THSD4: variants seen among roughly 807,000 people sequenced by gnomAD.
The protein encoded by THSD4 is thrombospondin type 1 domain containing 4.
In THSD4, 69 loss-of-function variants were observed where a neutral mutation model predicts 119.0. That is an observed-to-expected ratio of 0.58 (90% CI 0.48 to 0.71). The LOEUF (loss-of-function observed/expected upper bound fraction) is 0.71, where lower values mean the gene tolerates loss of function less well. Ranked by LOEUF, THSD4 falls within the 30% of genes least tolerant of loss-of-function variation. The probability of loss-of-function intolerance (pLI) is 0.00; values close to 1 mark genes in which losing one functional copy is unlikely to be tolerated. For missense variants in THSD4, 1,393 were observed against 1,391.1 expected, an observed-to-expected ratio of 1.00 and a Z score of -0.02; for synonymous variants, 524 against 540.4, an observed-to-expected ratio of 0.97 and a Z score of 0.42.
rs1232243841 is a variant in THSD4 at position 71,749,695 on chromosome 15, ATTTT to A, written c.2415+1103_2415+1106del. 1.7e-4 allele frequency among the ~76,000 whole-genome samples: 6 copies of A among 34,898 alleles called. No homozygotes were observed. The Admixed American group carries it at 2.1e-3, about 12-fold the overall frequency. The allele number at this position is 34,898 out of a possible 152,430, so 22.9% of individuals were successfully genotyped here. A position where few individuals can be genotyped will look rare whatever the true frequency, so the allele number is the denominator to read the frequency against. On this transcript the variant is annotated intron_variant, in intron 14 of 17. Transcript: ENST00000261862. ...TTTTTTAATATTTTTATATTTTTAAATTTTTATTTATTTATTTATTTATTTATTT... is the reference window on the plus strand; with the variant it reads ...TTTTTTAATATTTTTATATTTTTAAATATTTATTTATTTATTTATTTATTT...
chr15:71,357,060 A>G (rs908665899), intron 6 of THSD4, among the ~76,000 whole-genome samples: 1 of 152,186 alleles, frequency 6.6e-6, no homozygotes, highest in African/African-American at 2.4e-5. Context: ...TAGTAGGTAC[A>G]CAGGGCATGG....
chr15:71,188,087 G>C lies in THSD4; in HGVS notation c.100-26948G>C, dbSNP rs530455780. ...TTACAAGGTTGCCCTACTCATGTCT[G>C]TCAAGTGTTCATAAGATAAAAGGGG... On this transcript the variant is annotated intron_variant, in intron 3 of 17. Transcript: ENST00000261862. Among the ~76,000 whole-genome samples the C allele has an allele frequency of 2.6e-5, 4 of 152,310 alleles. No individual in the cohort carries two copies. The South Asian group carries it at 8.3e-4, about 32-fold the overall frequency.
At chr15:71,380,942 G>A (rs2046221027) in intron 6 of THSD4, among the ~76,000 whole-genome samples, 2 of 152,108 alleles carry the variant, frequency 1.3e-5, no homozygotes, top group Admixed American at 6.6e-5. Flanking sequence ...GTCCCATTGA[G>A]GGTGGCAATT....
chr15:71,743,131 C>T (rs1330461118), intron 11 of THSD4, among the ~76,000 whole-genome samples: 1 of 152,136 alleles, frequency 6.6e-6, no homozygotes, highest in African/African-American at 2.4e-5. Context: ...AGTTCATTTC[C>T]GTGGAGCTGG....
chr15:71,668,896 C>G (rs1273952273), intron 8 of THSD4, among the ~76,000 whole-genome samples: 1 of 152,156 alleles, frequency 6.6e-6, no homozygotes, highest in Non-Finnish European at 1.5e-5. Context: ...AAAGTTATTT[C>G]TGGAAGAAAC....
At chr15:71,139,912 T>C (rs2040586820) in intron 1 of THSD4, among the ~76,000 whole-genome samples, 1 of 152,234 alleles carries the variant, frequency 6.6e-6, no homozygotes, top group Non-Finnish European at 1.5e-5. Flanking sequence ...GACTGGGCCA[T>C]GTTCTGTTTT....
At chr15:71,168,034 G>T (rs2043311218) in intron 3 of THSD4, among the ~76,000 whole-genome samples, 1 of 152,218 alleles carries the variant, frequency 6.6e-6, no homozygotes, top group South Asian at 2.1e-4. Flanking sequence ...CTGCCCAGAA[G>T]TCGTCCTCAT....
At chr15:71,661,521 G>A (rs537760061) in intron 8 of THSD4, among the ~76,000 whole-genome samples, 103 of 151,562 alleles carry the variant, frequency 6.8e-4, no homozygotes, top group Non-Finnish European at 1.3e-3. Context: ...TCAGCCTCCC[G>A]AGTAGCTGGG....
At chr15:71,282,798 T>C (rs1317279515) in intron 6 of THSD4, among the ~76,000 whole-genome samples, 1 of 152,168 alleles carries the variant, frequency 6.6e-6, no homozygotes, top group Non-Finnish European at 1.5e-5. Context: ...CACTGATTTC[T>C]TCCTTATTCA....
chr15:71,731,017 T>C (rs982181325), intron 9 of THSD4, 104 bp from the exon 10 acceptor site: 5 of 1,055,742 alleles, frequency 4.7e-6, no homozygotes, highest in Non-Finnish European at 7.2e-6. Flanking sequence ...CGTACTAGAG[T>C]GAACCAACCC....
intron 6 of THSD4, among the ~76,000 whole-genome samples, chr15:71,282,223 G>C (rs898322983): frequency 9.9e-5 from 15 of 151,946 alleles, no homozygotes; most frequent in African/African-American, 3.6e-4. Context: ...TCTCTCTGTG[G>C]ACTATTGCGC....
chr15:71,341,791 C>T, intron 6 of THSD4: 2 of 778,796 alleles, frequency 2.6e-6, no homozygotes, highest in South Asian at 2.7e-5. Context: ...CCCTCACAAC[C>T]CTCTTTTCTT....
chr15:71,490,292 G>A (rs1247959240), intron 7 of THSD4, among the ~76,000 whole-genome samples: 1 of 152,102 alleles, frequency 6.6e-6, no homozygotes, highest in African/African-American at 2.4e-5. Context: ...CGGGCGTGGT[G>A]GCTCACACCT....
rs112561215 is a variant in THSD4 at position 71,674,581 on chromosome 15, G to C, written c.1357+13847G>C. Among the ~76,000 whole-genome samples the C allele has an allele frequency of 9.5e-3, 1,445 of 152,180 alleles. 22 individuals are homozygous for C. Among genetic ancestry groups the C allele is most frequent in the African/African-American group, 0.033 (1,371 of 41,520 alleles). Reference sequence around the variant, plus strand: ...CCACCTGCATGTTTAATTGGTCAGGGGCACAGCCTGACAGCCTGGACTTCA... The same window carrying C: ...CCACCTGCATGTTTAATTGGTCAGGCGCACAGCCTGACAGCCTGGACTTCA... On this transcript the variant is annotated intron_variant, in intron 8 of 17. Coordinates refer to ENST00000261862, the MANE Select transcript of THSD4 (RefSeq NM_024817.3).
rs2047674202 is a variant in THSD4, at chr15:71,477,791, A to G, written c.1152+65968A>G. Among the ~76,000 whole-genome samples, 4 of 152,078 alleles carry G rather than the reference A, an allele frequency of 2.6e-5. No individual in the cohort carries two copies. In the South Asian group the frequency reaches 6.2e-4, roughly 24 times the overall value. On this transcript the variant is annotated intron_variant, in intron 7 of 17. Transcript: ENST00000261862. Reference sequence around the variant, plus strand: ...CACCGTCACTTTATTCACCCTCTTCACCATGCTGAACCTGCTTCTCCTTCT... The same window carrying G: ...CACCGTCACTTTATTCACCCTCTTCGCCATGCTGAACCTGCTTCTCCTTCT...
rs181100226 is a variant in THSD4, at chr15:71,315,537, A to G, written c.1015+58822A>G. ...ATTCCAAATGGGAAGGAAAGCACCC[A>G]GGATAGGAGGTCAGCTGTGTCCTCT... is the stretch of plus-strand genomic sequence containing the variant. On this transcript the variant is annotated intron_variant, in intron 6 of 17. Transcript: ENST00000261862. 7.2e-5 allele frequency among the ~76,000 whole-genome samples: 11 copies of G among 152,354 alleles called. No individual in the cohort carries two copies. The East Asian group carries it at 2.1e-3, about 29-fold the overall frequency.
chr15:71,452,492 C>T (rs2047279217), intron 7 of THSD4, among the ~76,000 whole-genome samples: 3 of 140,482 alleles, frequency 2.1e-5, no homozygotes, highest in Non-Finnish European at 4.5e-5. Flanking sequence ...TAACCCTTGT[C>T]ATGGCTGAAA....
intron 3 of THSD4, among the ~76,000 whole-genome samples, chr15:71,209,930 C>G (rs775890770): frequency 1.3e-5 from 2 of 152,212 alleles, no homozygotes; most frequent in African/African-American, 2.4e-5. Context: ...TCTTGTTCTT[C>G]TCTCTTGAGA....
chr15:71,380,220 CCTT>C (rs111246641), intron 6 of THSD4, among the ~76,000 whole-genome samples: 1 of 152,058 alleles, frequency 6.6e-6, no homozygotes, highest in Non-Finnish European at 1.5e-5. Context: ...TTAACAATTC[CCTT>C]CTTCTTTTGG....
Sources: gnomAD v4.1 joint callset for allele counts (sites outside exome capture counted in the v4.1 genomes callset) on GRCh38, gnomAD v4.1.1 for gene constraint, MANE v1.5 for transcripts, NCBI Gene and HGNC (gene_info 2026-07-23, HGNC 2026-07-21) for gene names.